Variants in LEPROTL1 observed in about 807,000 individuals in gnomAD.
The protein encoded by LEPROTL1 is leptin receptor overlapping transcript like 1.
Under a neutral mutation model 15.4 loss-of-function variants are expected in LEPROTL1, and 6 were observed. That is an observed-to-expected ratio of 0.39 (90% CI 0.21 to 0.77). The LOEUF (loss-of-function observed/expected upper bound fraction) is 0.77. Among genes scored for constraint, LEPROTL1 ranks in the 30% least tolerant of loss-of-function variants. LEPROTL1 has a pLI of 0.41. For synonymous variants in LEPROTL1, 56 were observed against 52.6 expected (o/e 1.06, Z -0.28); for missense variants, 128 against 158.1 (o/e 0.81, Z 1.02).
chr8:30,120,900 A>G (rs913477984), intron 3 of LEPROTL1, among the ~76,000 whole-genome samples: 3 of 152,178 alleles, frequency 2.0e-5, no homozygotes, highest in African/African-American at 7.2e-5. Flanking sequence ...ACACTTCAGT[A>G]TTGTTATATA....
At chr8:30,111,186 C>T (rs1174315889), downstream of LEPROTL1, among the ~76,000 whole-genome samples, 2 of 152,156 alleles carry the variant, frequency 1.3e-5, no homozygotes, top group Non-Finnish European at 2.9e-5. Flanking sequence ...ACTTCCAAAA[C>T]ATAAGCAAGA....
chr8:30,100,619 T>C (rs1802450112), intron 1 of LEPROTL1, among the ~76,000 whole-genome samples: 1 of 152,152 alleles, frequency 6.6e-6, no homozygotes, highest in Non-Finnish European at 1.5e-5. Context: ...CCAGCTAATT[T>C]TTTGTATTCT....
In LEPROTL1 at chr8:30,108,054, T is replaced by G. The variant is rs1201451436; in HGVS notation, c.*2192T>G. On this transcript the variant is annotated 3_prime_UTR_variant, in exon 4 of 4. Transcript: ENST00000321250. ...ACTTTTGATGATGAAACAATAAAGA[T>G]TTTAAATATCTATTTTAGTTTGTGG... The G allele has an allele frequency of 1.1e-6, 1 of 876,230 alleles. No homozygotes were observed. Among genetic ancestry groups the G allele is most frequent in the Non-Finnish European group, 1.4e-6 (1 of 730,814 alleles). 54.3% of individuals were successfully genotyped at this position (876,230 alleles called of 1,614,324 possible). A position where few individuals can be genotyped will look rare whatever the true frequency, so the allele number is the denominator to read the frequency against.
At chr8:30,115,380 A>AC (rs1255850108) in intron 3 of LEPROTL1, among the ~76,000 whole-genome samples, 2 of 151,040 alleles carry the variant, frequency 1.3e-5, no homozygotes, top group East Asian at 3.9e-4. Context: ...TATATCATGT[A>AC]CCCCCAGATA....
At chr8:30,103,676 A>G (rs1802508016) in intron 2 of LEPROTL1, among the ~76,000 whole-genome samples, 1 of 151,782 alleles carries the variant, frequency 6.6e-6, no homozygotes, top group Non-Finnish European at 1.5e-5. Flanking sequence ...CAGGAGGCAG[A>G]AGTTGCAGTG....
intron 4 of LEPROTL1, chr8:30,132,710 A>C (rs1479014256): frequency 1.3e-6 from 2 of 1,551,764 alleles, no homozygotes; most frequent in East Asian, 4.9e-5. Context: ...TGGAAGGAGC[A>C]CAGAGAGCCT....
At chr8:30,104,620 C>G in intron 3 of LEPROTL1, 134 bp downstream of exon 3, 2 of 487,678 alleles carry the variant, frequency 4.1e-6, no homozygotes, top group East Asian at 3.4e-5. Context: ...TAAAATCTCA[C>G]TTTATTGTTT....
At position 30,121,070 on chromosome 8, in the gene LEPROTL1, G is replaced by C. The variant is rs1802821702; in HGVS notation, c.280-11305G>C. ...CCTCCTATGGAATCATATAGCGTTT[G>C]TTCTTCTGGGACTGGTTGATAAGCT... On this transcript the variant is annotated intron_variant, in intron 3 of 4. Coordinates refer to the LEPROTL1 transcript ENST00000442880. Among the ~76,000 whole-genome samples, 5 of 152,046 alleles carry C rather than the reference G, an allele frequency of 3.3e-5. No individual in the cohort carries two copies. In the South Asian group the frequency reaches 8.3e-4, roughly 25 times the overall value.
At chr8:30,104,065 T>C (rs1231523716) in intron 2 of LEPROTL1, among the ~76,000 whole-genome samples, 2 of 152,220 alleles carry the variant, frequency 1.3e-5, no homozygotes. Flanking sequence ...TGATAAATTC[T>C]ATATTCTGAC....
rs553743248 is a variant in LEPROTL1, at chr8:30,134,800, G to A, written c.394+2311G>A. On this transcript the variant is annotated intron_variant, in intron 4 of 4. Transcript: ENST00000442880. The stretch of plus-strand genomic sequence containing the variant: ...TCATCTCAGGAGATCTGCCCGCCTC[G>A]GCCTCCCAAAGTGCTAGGATTACAG... Among the ~76,000 whole-genome samples the A allele has an allele frequency of 5.8e-4, 88 of 152,168 alleles. 1 individual carries two copies. The highest frequency in any genetic ancestry group is 2.0e-3 in the African/African-American group (81 of 41,536).
At chr8:30,118,294 T>G (rs1327731602) in intron 3 of LEPROTL1, among the ~76,000 whole-genome samples, 1 of 152,074 alleles carries the variant, frequency 6.6e-6, no homozygotes, top group Non-Finnish European at 1.5e-5. Flanking sequence ...GGATTACAGG[T>G]GTGAGCCACC....
Position 30,107,711 on chromosome 8 carries a change from G to T in LEPROTL1, c.*1849G>T. 1 of 985,144 alleles carries T rather than the reference G, an allele frequency of 1.0e-6. No individual in the cohort carries two copies. The highest frequency in any genetic ancestry group is 1.2e-6 in the Non-Finnish European group (1 of 829,848). 61.0% of individuals were successfully genotyped at this position (985,144 alleles called of 1,614,324 possible). A position where few individuals can be genotyped will look rare whatever the true frequency, so the allele number is the denominator to read the frequency against. On this transcript the variant is annotated 3_prime_UTR_variant, in exon 4 of 4. Coordinates refer to ENST00000321250, the MANE Select transcript of LEPROTL1 (RefSeq NM_015344.3). ...CAGGTACACATGAGTTAGAGAGCTGGTGAGACAGTTGGGAACTCTTTGTGC... is the reference window on the plus strand; with the variant it reads ...CAGGTACACATGAGTTAGAGAGCTGTTGAGACAGTTGGGAACTCTTTGTGC...
Position 30,107,853 on chromosome 8 carries a change from T to C in LEPROTL1, c.*1991T>C. ...GTTTTATCCACTTGGCCACAGACTT[T>C]TTCTAACAGCTGCGTATTATTTCTA... On this transcript the variant is annotated 3_prime_UTR_variant, in exon 4 of 4. Coordinates refer to ENST00000321250, the MANE Select transcript of LEPROTL1 (RefSeq NM_015344.3). The C allele has an allele frequency of 3.0e-6, 3 of 985,408 alleles. No individual in the cohort carries two copies. Among genetic ancestry groups the C allele is most frequent in the East Asian group, 1.1e-4 (1 of 8,816 alleles). The allele number at this position is 985,408 out of a possible 1,614,324, so 61.0% of individuals were successfully genotyped here.
intron 3 of LEPROTL1, among the ~76,000 whole-genome samples, chr8:30,120,955 G>A (rs944671400): frequency 2.4e-4 from 36 of 152,028 alleles, no homozygotes; most frequent in African/African-American, 8.5e-4. Flanking sequence ...TTTTCATCTC[G>A]CATGACAAAC....
intron 3 of LEPROTL1, among the ~76,000 whole-genome samples, chr8:30,117,165 G>A (rs1047043429): frequency 2.0e-5 from 3 of 152,050 alleles, no homozygotes; most frequent in Non-Finnish European, 2.9e-5. Context: ...GATGATCATC[G>A]CTTTACTAAT....
chr8:30,125,119 CTTG>C (rs1241550159), intron 3 of LEPROTL1, among the ~76,000 whole-genome samples: 2 of 152,190 alleles, frequency 1.3e-5, no homozygotes, highest in African/African-American at 4.8e-5. Context: ...AATTATCTCA[CTTG>C]TTGTAACTTA....
chr8:30,120,703 G>A (rs557917930), intron 3 of LEPROTL1, among the ~76,000 whole-genome samples: 9 of 152,046 alleles, frequency 5.9e-5, no homozygotes, highest in Non-Finnish European at 1.2e-4. Flanking sequence ...GCTAATTTTC[G>A]TATTTCTTTT....
chr8:30,109,501 A>C (rs896953799), downstream of LEPROTL1, among the ~76,000 whole-genome samples: 2 of 152,208 alleles, frequency 1.3e-5, no homozygotes, highest in African/African-American at 2.4e-5. Context: ...TTCTTAGAAT[A>C]TATTAAAACA....
In LEPROTL1 at chr8:30,101,932, A is replaced by G. The variant is rs765950167; in HGVS notation, c.51A>G (p.Gly17=). Reference sequence around the variant, plus strand: ...GTTTGTCCTTTGGAGGAGCAATCGGACTGATGTTTTTGATGCTTGGATGTG... The same window carrying G: ...GTTTGTCCTTTGGAGGAGCAATCGGGCTGATGTTTTTGATGCTTGGATGTG... ...LISLSFGGAI[G]LMFLMLGCAL... is the part of the protein sequence containing the mutation. Residue 17 remains glycine, a synonymous_variant, in exon 2 of 4, where the codon GGA becomes GGG. Coordinates refer to ENST00000321250, the MANE Select transcript of LEPROTL1 (RefSeq NM_015344.3). 81 of 1,610,280 alleles carry G rather than the reference A, an allele frequency of 5.0e-5. No homozygotes were observed. The highest frequency in any genetic ancestry group is 6.2e-5 in the Non-Finnish European group (73 of 1,177,916).
Sources: allele counts gnomAD v4.1 joint callset (sites outside exome capture counted in the v4.1 genomes callset), GRCh38; gene constraint gnomAD v4.1.1; transcripts MANE v1.5; gene names NCBI Gene and HGNC (gene_info 2026-07-23, HGNC 2026-07-21).